Variants in TPO observed in about 807,000 individuals in gnomAD.
TPO encodes the protein thyroid peroxidase, also known as thyroid microsomal antigen.
A neutral mutation model predicts 96.9 loss-of-function variants in TPO; 78 were observed. The observed-to-expected ratio is 0.81, with a 90% CI of 0.67 to 0.97. The LOEUF is 0.97. Ranked by LOEUF, TPO falls within the 50% of genes least tolerant of loss-of-function variation. The pLI is 0.00. For synonymous variants in TPO, 547 were observed against 538.0 expected, an observed-to-expected ratio of 1.02 and a Z score of -0.23; for missense variants, 1,252 against 1,274.8, an observed-to-expected ratio of 0.98 and a Z score of 0.27.
At chr2:1,435,000 C>G (rs987297420) in intron 4 of TPO, among the ~76,000 whole-genome samples, 1 of 152,176 alleles carries the variant, frequency 6.6e-6, no homozygotes, top group South Asian at 2.1e-4. Context: ...GTGGGGCGAT[C>G]TCGGCTCACT....
intron 13 of TPO, among the ~76,000 whole-genome samples, chr2:1,500,284 T>C (rs1672743936): frequency 6.6e-6 from 1 of 152,214 alleles, no homozygotes; most frequent in Non-Finnish European, 1.5e-5. Flanking sequence ...TTGCTAACCT[T>C]CATCAATACA....
intron 2 of TPO, among the ~76,000 whole-genome samples, chr2:1,416,638 T>C (rs746653021): frequency 6.6e-6 from 1 of 152,254 alleles, no homozygotes; most frequent in East Asian, 1.9e-4. Context: ...GCTGGGCACA[T>C]GCTTCTGCCT....
chr2:1,510,747 C>T (rs1051313076), intron 14 of TPO, among the ~76,000 whole-genome samples: 1 of 152,152 alleles, frequency 6.6e-6, no homozygotes, highest in Non-Finnish European at 1.5e-5. Flanking sequence ...ATTCTGTGCA[C>T]CAGGGCCCAT....
At chr2:1,435,643 A>T (rs547030341) in intron 4 of TPO, among the ~76,000 whole-genome samples, 91 of 152,354 alleles carry the variant, frequency 6.0e-4, no homozygotes, top group South Asian at 1.0e-3. Flanking sequence ...GTTGAATAAC[A>T]TATAAATTAT....
rs1370022276 is a variant in TPO at position 1,478,118 on chromosome 2, C to T, written c.1338+514C>T. 4.1e-6 allele frequency: 4 copies of T among 985,320 alleles called. No homozygotes were observed. In the African/African-American group the frequency reaches 7.0e-5, roughly 17 times the overall value. The allele number at this position is 985,320 out of a possible 1,614,324, so 61.0% of individuals were successfully genotyped here. A position where few individuals can be genotyped will look rare whatever the true frequency, so the allele number is the denominator to read the frequency against. ...GAAGAACCGACTCTGTGTGAGGATT[C>T]TGAACTAACAAGTTAGAGTCTATTT... On this transcript the variant is annotated intron_variant, in intron 8 of 16. Transcript: ENST00000329066.
Position 1,498,437 on chromosome 2 carries a change from C to T in TPO, c.2386+1672C>T, listed in dbSNP as rs1244546643. ...CGGAAATAACTTTCAAACTCACTAA[C>T]GGCACAAGGAGCTGCCTGGGCATGG... On this transcript the variant is annotated intron_variant, in intron 13 of 16. Transcript: ENST00000329066. Among the ~76,000 whole-genome samples the T allele has an allele frequency of 3.3e-5, 5 of 152,334 alleles. No individual in the cohort carries two copies. In the East Asian group the frequency reaches 5.8e-4, roughly 18 times the overall value.
chr2:1,490,642 C>G (rs1259448726), intron 10 of TPO, among the ~76,000 whole-genome samples: 1 of 152,218 alleles, frequency 6.6e-6, no homozygotes, highest in Non-Finnish European at 1.5e-5. Flanking sequence ...GAAGCACAGA[C>G]AGTTTAGGCA....
intron 3 of TPO, among the ~76,000 whole-genome samples, chr2:1,424,488 G>A (rs1664118389): frequency 6.6e-6 from 1 of 152,192 alleles, no homozygotes; most frequent in Non-Finnish European, 1.5e-5. Context: ...GATCCACTCA[G>A]GTGGTTAGGC....
intron 14 of TPO, among the ~76,000 whole-genome samples, chr2:1,505,819 G>A (rs76438542): frequency 0.047 from 7,046 of 148,986 alleles, 237 homozygotes; most frequent in East Asian, 0.14. Flanking sequence ...TAGGGGTTGC[G>A]GAGAAATTCT....
intron 15 of TPO, among the ~76,000 whole-genome samples, chr2:1,533,425 G>C (rs1323617416): frequency 1.3e-5 from 1 of 78,740 alleles, no homozygotes; most frequent in Non-Finnish European, 2.4e-5. Context: ...CCCCCCAAAT[G>C]TGTGCAACCT....
At chr2:1,421,341 C>T (rs893360377) in intron 2 of TPO, among the ~76,000 whole-genome samples, 1 of 152,232 alleles carries the variant, frequency 6.6e-6, no homozygotes, top group Non-Finnish European at 1.5e-5. Flanking sequence ...GCGAGGCCCT[C>T]GGCCAAGAGC....
chr2:1,387,729 T>A (rs1661925341), intron 1 of TPO, among the ~76,000 whole-genome samples: 1 of 152,248 alleles, frequency 6.6e-6, no homozygotes, highest in South Asian at 2.1e-4. Context: ...TCATTCTTTG[T>A]CCAGCTTTGT....
intron 5 of TPO, among the ~76,000 whole-genome samples, chr2:1,438,593 C>T (rs1005782301): frequency 1.3e-5 from 2 of 150,438 alleles, no homozygotes; most frequent in African/African-American, 2.4e-5. Flanking sequence ...CCACCCTGCC[C>T]CACGTCCCTC....
At chr2:1,523,803 TCCCCAAATCCCCCCACTGTGAGCAAAC>T (rs1675763029) in intron 15 of TPO, among the ~76,000 whole-genome samples, 1 of 85,990 alleles carries the variant, frequency 1.2e-5, no homozygotes, top group African/African-American at 4.9e-5. Context: ...GTGTGCAACC[TCCCCAAATCCCCCCACTGTGAGCAAAC>T]TCCTCAAATC....
At chr2:1,385,261 T>C (rs527421079) in intron 1 of TPO, among the ~76,000 whole-genome samples, 9 of 152,294 alleles carry the variant, frequency 5.9e-5, no homozygotes, top group Non-Finnish European at 1.0e-4. Flanking sequence ...TTTGTATTGA[T>C]TGGAATAGTT....
intron 14 of TPO, among the ~76,000 whole-genome samples, chr2:1,511,188 G>GTGCCACAGCACAGCCCTGCAGACTGGGGA (rs1674073699): frequency 6.6e-6 from 1 of 150,890 alleles, no homozygotes; most frequent in African/African-American, 2.4e-5. Context: ...CAGACTGGGG[G>GTGCCACAGCACAGCCCTGCAGACTGGGGA]TGCCACAGCA....
At chr2:1,431,174 G>A (rs1395367092) in intron 3 of TPO, among the ~76,000 whole-genome samples, 2 of 152,138 alleles carry the variant, frequency 1.3e-5, no homozygotes, top group Non-Finnish European at 2.9e-5. Context: ...AATCCCTGAT[G>A]AATGGTTTAG....
chr2:1,410,156 C>T (rs1365461726), upstream of TPO, among the ~76,000 whole-genome samples: 3 of 152,154 alleles, frequency 2.0e-5, no homozygotes, highest in Non-Finnish European at 4.4e-5. Flanking sequence ...AGGATGAATA[C>T]GTGAGGTGCT....
chr2:1,539,534 G>A (rs2125344517), intron 15 of TPO, among the ~76,000 whole-genome samples: 1 of 152,286 alleles, frequency 6.6e-6, no homozygotes, highest in African/African-American at 2.4e-5. Flanking sequence ...CAGGAGGGCT[G>A]TCTTCCATGT....
Sources: allele counts gnomAD v4.1 joint callset (sites outside exome capture counted in the v4.1 genomes callset), GRCh38; gene constraint gnomAD v4.1.1; transcripts MANE v1.5; gene names NCBI Gene and HGNC (gene_info 2026-07-23, HGNC 2026-07-21).